The following HTR1E variants were observed in gnomAD, a reference collection of about 807,000 sequenced individuals.
The protein encoded by HTR1E is 5-hydroxytryptamine receptor 1E.
A neutral mutation model predicts 3.4 loss-of-function variants in HTR1E; 3 were observed. That is an observed-to-expected ratio of 0.89 (90% CI 0.41 to 2.31). HTR1E has a LOEUF of 2.31. Among genes scored for constraint, HTR1E ranks in the 30% most tolerant of loss-of-function variants. The probability of loss-of-function intolerance (pLI) is 0.05; values close to 1 mark genes in which losing one functional copy is unlikely to be tolerated. For synonymous variants in HTR1E, 170 were observed against 182.8 expected, an observed-to-expected ratio of 0.93 and a Z score of 0.56; for missense variants, 392 against 467.0, an observed-to-expected ratio of 0.84 and a Z score of 1.48.
At chr6:86,966,687 G>A (rs1767476054) in intron 1 of HTR1E, among the ~76,000 whole-genome samples, 1 of 152,160 alleles carries the variant, frequency 6.6e-6, no homozygotes, top group Non-Finnish European at 1.5e-5. Context: ...GTTGGGGACT[G>A]ATTCAGAAAA....
At chr6:87,002,771 C>A (rs117245725) in intron 1 of HTR1E, among the ~76,000 whole-genome samples, 16 of 152,324 alleles carry the variant, frequency 1.1e-4, no homozygotes, top group African/African-American at 3.8e-4. Flanking sequence ...CAAGTACCCA[C>A]CTGACCCAGA....
chr6:87,004,729 G>C (rs957489185), intron 1 of HTR1E, among the ~76,000 whole-genome samples: 1 of 152,076 alleles, frequency 6.6e-6, no homozygotes, highest in East Asian at 1.9e-4. Flanking sequence ...CATAGTGCTG[G>C]AAGTCCTAGC....
intron 1 of HTR1E, among the ~76,000 whole-genome samples, chr6:86,993,664 C>T (rs1187432346): frequency 6.6e-6 from 1 of 152,092 alleles, no homozygotes; most frequent in Non-Finnish European, 1.5e-5. Context: ...TCCAGCACTC[C>T]TCTTCTCTCC....
chr6:86,944,640 C>G (rs1217557165), intron 1 of HTR1E, among the ~76,000 whole-genome samples: 1 of 152,078 alleles, frequency 6.6e-6, no homozygotes, highest in African/African-American at 2.4e-5. Flanking sequence ...TGTTTCATAC[C>G]TTAGTTCTCT....
intron 1 of HTR1E, among the ~76,000 whole-genome samples, chr6:87,012,907 T>A (rs578168173): frequency 6.6e-6 from 1 of 152,354 alleles, no homozygotes; most frequent in Non-Finnish European, 1.5e-5. Flanking sequence ...AGAGTCCATG[T>A]GGGTAGTCAC....
At chr6:86,960,348 A>G (rs912993440) in intron 1 of HTR1E, among the ~76,000 whole-genome samples, 1 of 152,218 alleles carries the variant, frequency 6.6e-6, no homozygotes, top group African/African-American at 2.4e-5. Context: ...TAATCCATTC[A>G]TAAAGGCAGA....
chr6:87,015,068 T>G (rs1768296856), intron 1 of HTR1E, 82 bp from the exon 2 acceptor site: 1 of 266,214 alleles, frequency 3.8e-6, no homozygotes, highest in Non-Finnish European at 6.9e-6. Context: ...TATAAAGAAT[T>G]TATAAATATC....
chr6:86,951,839 A>G (rs942129942), intron 1 of HTR1E, among the ~76,000 whole-genome samples: 33 of 152,200 alleles, frequency 2.2e-4, no homozygotes, highest in African/African-American at 8.0e-4. Context: ...CTGAATTTTA[A>G]GTAACACACA....
intron 1 of HTR1E, among the ~76,000 whole-genome samples, chr6:87,004,145 T>C (rs1452083333): frequency 6.6e-6 from 1 of 152,134 alleles, no homozygotes; most frequent in Non-Finnish European, 1.5e-5. Context: ...AAATCCAGGA[T>C]GTGATGACTT....
chr6:86,988,802 C>T (rs559005260), intron 1 of HTR1E, among the ~76,000 whole-genome samples: 24 of 152,174 alleles, frequency 1.6e-4, no homozygotes, highest in African/African-American at 5.5e-4. Context: ...AAACTATTTT[C>T]TCCTGTTTTG....
intron 1 of HTR1E, among the ~76,000 whole-genome samples, chr6:86,978,055 T>C (rs565505283): frequency 1.3e-5 from 2 of 152,348 alleles, no homozygotes; most frequent in South Asian, 2.1e-4. Context: ...ATTCCATGAT[T>C]AGTTTAATTA....
intron 1 of HTR1E, among the ~76,000 whole-genome samples, chr6:86,975,327 C>T (rs1301233972): frequency 6.6e-6 from 1 of 152,162 alleles, no homozygotes; most frequent in Non-Finnish European, 1.5e-5. Flanking sequence ...CTTACTTAAA[C>T]ACTTCCATAT....
At chr6:86,940,687 T>A (rs1223649145) in intron 1 of HTR1E, among the ~76,000 whole-genome samples, 2 of 152,236 alleles carry the variant, frequency 1.3e-5, no homozygotes, top group Non-Finnish European at 2.9e-5. Context: ...TTGTTTTGAT[T>A]GCCCACCCTG....
chr6:86,945,751 T>C (rs1242697821), intron 1 of HTR1E, among the ~76,000 whole-genome samples: 1 of 152,174 alleles, frequency 6.6e-6, no homozygotes, highest in Non-Finnish European at 1.5e-5. Flanking sequence ...TTTGTTTTTT[T>C]GAGATGACGT....
intron 1 of HTR1E, among the ~76,000 whole-genome samples, chr6:86,976,111 G>A (rs1767635611): frequency 6.6e-6 from 1 of 152,054 alleles, no homozygotes; most frequent in Admixed American, 6.6e-5. Context: ...CAAGACTGAT[G>A]ACAGAAACAA....
chr6:86,945,506 G>A (rs1347509178), intron 1 of HTR1E, among the ~76,000 whole-genome samples: 1 of 151,754 alleles, frequency 6.6e-6, no homozygotes, highest in Non-Finnish European at 1.5e-5. Flanking sequence ...GCCTCCCAAA[G>A]TGCTGGGATT....
At chr6:86,995,559 G>A (rs896462421) in intron 1 of HTR1E, among the ~76,000 whole-genome samples, 6 of 143,528 alleles carry the variant, frequency 4.2e-5, no homozygotes, top group South Asian at 2.2e-4. Context: ...CCAGCTACTC[G>A]GAAGGCTGAG....
chr6:87,009,783 TGA>T (rs1768175720), intron 1 of HTR1E, among the ~76,000 whole-genome samples: 4 of 119,674 alleles, frequency 3.3e-5, no homozygotes, highest in Non-Finnish European at 4.9e-5. Context: ...GCAGGGGGGC[TGA>T]CCTCCCCCAC....
At chr6:86,949,614 C>T (rs1319277484) in intron 1 of HTR1E, among the ~76,000 whole-genome samples, 1 of 151,884 alleles carries the variant, frequency 6.6e-6, no homozygotes, top group African/African-American at 2.4e-5. Flanking sequence ...ACCAGGAGGC[C>T]AGAAAATAGA....
Sources: allele counts gnomAD v4.1 joint callset (sites outside exome capture counted in the v4.1 genomes callset), GRCh38; gene constraint gnomAD v4.1.1; transcripts MANE v1.5; gene names NCBI Gene and HGNC (gene_info 2026-07-23, HGNC 2026-07-21).